The following CSNK1D variants were observed in gnomAD, a reference collection of about 807,000 sequenced individuals.
CSNK1D encodes casein kinase I isoform delta.
In CSNK1D, 16 loss-of-function variants were observed where a neutral mutation model predicts 46.6. The observed-to-expected ratio is 0.34, with a 90% CI of 0.23 to 0.52. The LOEUF (loss-of-function observed/expected upper bound fraction) is 0.52. Ranked by LOEUF, CSNK1D falls within the 20% of genes least tolerant of loss-of-function variation. The probability of loss-of-function intolerance (pLI) is 0.95; values close to 1 mark genes in which losing one functional copy is unlikely to be tolerated. For missense variants in CSNK1D, 398 were observed against 578.4 expected (o/e 0.69, Z 3.20); for synonymous variants, 276 against 228.2 (o/e 1.21, Z -1.89).
intron 8 of CSNK1D, chr17:82,247,715 T>C: frequency 1.0e-6 from 1 of 985,222 alleles, no homozygotes; most frequent in South Asian, 4.7e-5. Flanking sequence ...GACAGCAGGG[T>C]TGTGTGCACG....
At chr17:82,245,840 C>G in intron 8 of CSNK1D, 1 of 891,654 alleles carries the variant, frequency 1.1e-6, no homozygotes, top group Non-Finnish European at 1.8e-6. Flanking sequence ...ACAAGAAGAA[C>G]AGAGCAGAAG....
In CSNK1D at chr17:82,244,593, C is replaced by G. The variant is rs541260082; in HGVS notation, c.*188G>C. 8 of 1,512,674 alleles carry G rather than the reference C, an allele frequency of 5.3e-6. No individual in the cohort carries two copies. The East Asian group carries it at 1.7e-4, about 33-fold the overall frequency. 93.7% of individuals were successfully genotyped at this position (1,512,674 alleles called of 1,614,324 possible). ...GTGGGGGGCCGCAGTGCAGCCCCAG[C>G]GGTGGCAGCTCTTGGAGTCTGTCCG... On this transcript the variant is annotated 3_prime_UTR_variant, in exon 9 of 9. Transcript: ENST00000314028.
downstream of CSNK1D, among the ~76,000 whole-genome samples, chr17:82,240,623 T>A (rs1229908992): frequency 1.3e-5 from 2 of 152,108 alleles, no homozygotes; most frequent in East Asian, 3.9e-4. Flanking sequence ...AGCTCAACTG[T>A]CACCCCTCGT....
At position 82,249,163 on chromosome 17, in the gene CSNK1D, C is replaced by A; in HGVS notation, c.1058-149G>T. Reference sequence around the variant, plus strand: ...GCCGATGGCCACCAACACTCAGATCCGGCCGGAGGGACACAAAGGGACATG... The same window carrying A: ...GCCGATGGCCACCAACACTCAGATCAGGCCGGAGGGACACAAAGGGACATG... On this transcript the variant is annotated intron_variant, in intron 7 of 8. Transcript: ENST00000314028. The surrounding 1 kb of genome is among the most constrained non-coding windows in gnomAD (Gnocchi z 6.7). The A allele has an allele frequency of 9.8e-7, 1 of 1,018,202 alleles. No individual in the cohort carries two copies. The highest frequency in any genetic ancestry group is 1.4e-6 in the Non-Finnish European group (1 of 706,756). The allele number at this position is 1,018,202 out of a possible 1,614,324, so 63.1% of individuals were successfully genotyped here.
downstream of CSNK1D, among the ~76,000 whole-genome samples, chr17:82,240,833 G>A (rs925512955): frequency 2.0e-5 from 3 of 152,172 alleles, no homozygotes; most frequent in Non-Finnish European, 2.9e-5. Flanking sequence ...CAGGGTGGGC[G>A]TGAGTGGGCG....
In CSNK1D at chr17:82,249,816, A is replaced by C; in HGVS notation, c.886-214T>G. ...AGCCAGGCCTCTCAGCTCCCCCAAC[A>C]ATCGAAAAAACCCCACTCGCCATGG... On this transcript the variant is annotated intron_variant, in intron 6 of 8. Coordinates refer to ENST00000314028, the MANE Select transcript of CSNK1D (RefSeq NM_001893.6). This position sits in a 1 kb window ranked among gnomAD's most constrained non-coding sequence, Gnocchi z 6.7. The C allele has an allele frequency of 7.0e-7, 1 of 1,433,938 alleles. No individual in the cohort carries two copies. Among genetic ancestry groups the C allele is most frequent in the Admixed American group, 2.8e-5 (1 of 35,494 alleles). 88.8% of individuals were successfully genotyped at this position (1,433,938 alleles called of 1,614,324 possible). A position where few individuals can be genotyped will look rare whatever the true frequency, so the allele number is the denominator to read the frequency against.
At chr17:82,273,710 TC>T, upstream of CSNK1D, 1 of 464,114 alleles carries the variant, frequency 2.2e-6, no homozygotes, top group Non-Finnish European at 3.8e-6. This position sits in a 1 kb window ranked among gnomAD's most constrained non-coding sequence, Gnocchi z 5.1. Flanking sequence ...TGACGTCACT[TC>T]CCCTAGCAAC....
rs1181654493 is a variant in CSNK1D, at chr17:82,251,039, C to T, written c.885+340G>A. 4 of 369,804 alleles carry T rather than the reference C, an allele frequency of 1.1e-5. No individual in the cohort carries two copies. In the East Asian group the frequency reaches 2.7e-4, roughly 25 times the overall value. 22.9% of individuals were successfully genotyped at this position (369,804 alleles called of 1,614,324 possible). ...TGGGCACCACGACCATGTGGCACAG[C>T]GAATGGGAATGCGCACCCCCAGCCC... On this transcript the variant is annotated intron_variant, in intron 6 of 8. Transcript: ENST00000314028. This position sits in a 1 kb window ranked among gnomAD's most constrained non-coding sequence, Gnocchi z 4.5.
rs543801942 is a variant in CSNK1D, at chr17:82,265,863, G to A, written c.77-67C>T. 5.6e-6 allele frequency: 7 copies of A among 1,249,974 alleles called. No homozygotes were observed. The East Asian group carries it at 1.6e-4, about 29-fold the overall frequency. 77.4% of individuals were successfully genotyped at this position (1,249,974 alleles called of 1,614,324 possible). On this transcript the variant is annotated intron_variant, in intron 1 of 8. Coordinates refer to ENST00000314028, the MANE Select transcript of CSNK1D (RefSeq NM_001893.6). ...CCACCAAATAACCCAACATGCTGGAGAAACAACAAGCACTATGTGTTTTCC... is the reference window on the plus strand; with the variant it reads ...CCACCAAATAACCCAACATGCTGGAAAAACAACAAGCACTATGTGTTTTCC...
intron 2 of CSNK1D, among the ~76,000 whole-genome samples, chr17:82,260,264 T>C (rs1260994942): frequency 2.0e-5 from 3 of 149,610 alleles, no homozygotes; most frequent in Non-Finnish European, 3.0e-5. Context: ...CCGAGTGATG[T>C]GACTGATGGT....
Position 82,243,850 on chromosome 17 carries a change from C to G in CSNK1D, c.*931G>C. ...ACCACCTCTCGGTTCACAGTCCTCT[C>G]CCAAGGGACCAGAAACGCATCTTCC... On this transcript the variant is annotated 3_prime_UTR_variant, in exon 9 of 9. Transcript: ENST00000314028. 1 of 985,680 alleles carries G rather than the reference C, an allele frequency of 1.0e-6. No individual in the cohort carries two copies. The highest frequency in any genetic ancestry group is 4.7e-5 in the South Asian group (1 of 21,318). 61.1% of individuals were successfully genotyped at this position (985,680 alleles called of 1,614,324 possible). A position where few individuals can be genotyped will look rare whatever the true frequency, so the allele number is the denominator to read the frequency against.
rs569676445 is a variant in CSNK1D at position 82,255,062 on chromosome 17, C to T, written c.336+367G>A. 6.8e-5 allele frequency: 25 copies of T among 367,300 alleles called. No homozygotes were observed. Among genetic ancestry groups the T allele is most frequent in the South Asian group, 4.1e-4 (19 of 46,788 alleles). The allele number at this position is 367,300 out of a possible 1,614,324, so 22.8% of individuals were successfully genotyped here. ...GCCTCGAGAAGCCAGTGAGCTGAGC[C>T]GCCGGAGCCTCGAGAAGCCAGTGAG... On this transcript the variant is annotated intron_variant, in intron 3 of 8. Transcript: ENST00000314028. The surrounding 1 kb of genome is among the most constrained non-coding windows in gnomAD (Gnocchi z 5.9).
At position 82,255,537 on chromosome 17, in the gene CSNK1D, G is replaced by A; in HGVS notation, c.228C>T (p.Asp76=). 1 of 1,614,166 alleles carries A rather than the reference G, an allele frequency of 6.2e-7. No individual in the cohort carries two copies. Among genetic ancestry groups the A allele is most frequent in the Non-Finnish European group, 8.5e-7 (1 of 1,180,030 alleles). Reference sequence around the variant, plus strand: ...GCAGCTCCATCACCATGACGTTGTAGTCCCCCTCTGCCCCGCACCATCTGA... The same window carrying A: ...GCAGCTCCATCACCATGACGTTGTAATCCCCCTCTGCCCCGCACCATCTGA... ...PTIRWCGAEG[D]YNVMVMELLG... Residue 76 remains aspartate (D), a synonymous_variant, in exon 3 of 9, where the codon GAC becomes GAT. Transcript: ENST00000314028. The surrounding 1 kb of genome is among the most constrained non-coding windows in gnomAD (Gnocchi z 5.9).
intron 2 of CSNK1D, among the ~76,000 whole-genome samples, chr17:82,262,252 T>C (rs1453459242): frequency 6.6e-6 from 1 of 152,250 alleles, no homozygotes; most frequent in South Asian, 2.1e-4. Flanking sequence ...TTTCCTTCTC[T>C]GGGAGCAGAC....
intron 8 of CSNK1D, chr17:82,247,724 C>A (rs978138391): frequency 3.0e-6 from 3 of 985,386 alleles, no homozygotes; most frequent in South Asian, 4.7e-5. Context: ...GTTGTGTGCA[C>A]GTAAGGGACC....
rs778107627 is a variant in CSNK1D, at chr17:82,244,559, C to T, written c.*222G>A. The T allele has an allele frequency of 3.4e-6, 5 of 1,480,018 alleles. No individual in the cohort carries two copies. Among genetic ancestry groups the T allele is most frequent in the Non-Finnish European group, 4.5e-6 (5 of 1,116,012 alleles). The allele number at this position is 1,480,018 out of a possible 1,614,324, so 91.7% of individuals were successfully genotyped here. A position where few individuals can be genotyped will look rare whatever the true frequency, so the allele number is the denominator to read the frequency against. Reference sequence around the variant, plus strand: ...CTTTTCTTCCCAGCCCCGTTACAACCGAGTTCACGTGGGGGGCCGCAGTGC... The same window carrying T: ...CTTTTCTTCCCAGCCCCGTTACAACTGAGTTCACGTGGGGGGCCGCAGTGC... On this transcript the variant is annotated 3_prime_UTR_variant, in exon 9 of 9. Transcript: ENST00000314028.
intron 1 of CSNK1D, 77 bp from the exon 2 acceptor site, chr17:82,265,873 G>A: frequency 8.4e-7 from 1 of 1,192,314 alleles, no homozygotes; most frequent in Non-Finnish European, 1.3e-6. Context: ...GAAACAACAA[G>A]CACTATGTGT....
chr17:82,240,058 C>T (rs868582083), downstream of CSNK1D: 4 of 1,233,822 alleles, frequency 3.2e-6, no homozygotes, highest in South Asian at 1.2e-4. Flanking sequence ...CATGTCCCTG[C>T]TCCTCTGCAA....
At chr17:82,244,972 C>A in intron 8 of CSNK1D, 141 bp from the exon 9 acceptor site, 1 of 1,030,092 alleles carries the variant, frequency 9.7e-7, no homozygotes, top group Non-Finnish European at 1.5e-6. Context: ...TCCCCCGCCA[C>A]GCACAGGGGC....
Sources: allele counts gnomAD v4.1 joint callset (sites outside exome capture counted in the v4.1 genomes callset), GRCh38; gene constraint gnomAD v4.1.1; non-coding constraint Gnocchi (gnomAD v3.1); transcripts MANE v1.5; gene names NCBI Gene and HGNC (gene_info 2026-07-23, HGNC 2026-07-21).